The following KATNIP variants were observed in gnomAD, a reference collection of about 807,000 sequenced individuals.
The protein encoded by KATNIP is katanin interacting protein.
KATNIP carries 126 observed loss-of-function variants against 174.0 expected under a neutral mutation model. The observed-to-expected ratio is 0.72, with a 90% CI of 0.63 to 0.84. The LOEUF (loss-of-function observed/expected upper bound fraction) is 0.84. KATNIP is among the 40% of genes least tolerant of loss of function. The pLI, the probability that KATNIP is intolerant of heterozygous loss-of-function variation, is 0.00. For missense variants in KATNIP, 1,958 were observed against 2,109.7 expected, an observed-to-expected ratio of 0.93 and a Z score of 1.41; for synonymous variants, 810 against 835.7, an observed-to-expected ratio of 0.97 and a Z score of 0.53.
At chr16:27,703,351 T>C (rs944838965) in intron 11 of KATNIP, among the ~76,000 whole-genome samples, 4 of 151,962 alleles carry the variant, frequency 2.6e-5, no homozygotes, top group African/African-American at 7.3e-5. Flanking sequence ...TTGCAAATGA[T>C]GAAGGCACGC....
At chr16:27,618,119 A>T (rs886127641) in intron 2 of KATNIP, among the ~76,000 whole-genome samples, 1 of 152,196 alleles carries the variant, frequency 6.6e-6, no homozygotes, top group Non-Finnish European at 1.5e-5. Context: ...TTGAGAAAAC[A>T]GTAGAGCCCA....
chr16:27,752,778 T>A (rs2081568188), intron 17 of KATNIP, among the ~76,000 whole-genome samples: 1 of 152,124 alleles, frequency 6.6e-6, no homozygotes, highest in Non-Finnish European at 1.5e-5. Flanking sequence ...GGTCATGAAC[T>A]CCTGGACTCA....
intron 14 of KATNIP, among the ~76,000 whole-genome samples, chr16:27,724,567 G>C (rs533299173): frequency 6.6e-6 from 1 of 152,310 alleles, no homozygotes; most frequent in African/African-American, 2.4e-5. Flanking sequence ...GTTGGCTGCA[G>C]GGATTTGAGA....
intron 12 of KATNIP, among the ~76,000 whole-genome samples, chr16:27,704,205 A>G (rs541075341): frequency 1.0e-3 from 159 of 152,246 alleles, no homozygotes; most frequent in African/African-American, 3.6e-3. Flanking sequence ...AAGTTTCAGC[A>G]GAGAGAAGCC....
In KATNIP at chr16:27,650,009, C is replaced by T. The variant is rs191361520; in HGVS notation, c.540+1274C>T. ...TGGCCATGTTGAAACCCCATCTTTA[C>T]TTGTAATACAAAAATTAGCTGGGCG... On this transcript the variant is annotated intron_variant, in intron 6 of 27. Coordinates refer to ENST00000261588, the MANE Select transcript of KATNIP (RefSeq NM_015202.5). 1.9e-3 allele frequency among the ~76,000 whole-genome samples: 290 copies of T among 152,248 alleles called. 2 individuals are homozygous for T. The highest frequency in any genetic ancestry group is 9.9e-3 in the South Asian group (48 of 4,828).
In KATNIP at chr16:27,740,840, A is replaced by G. The variant is rs1450461592; in HGVS notation, c.2543A>G (p.Glu848Gly). 6.2e-7 allele frequency: 1 copy of G among 1,613,192 alleles called. No homozygotes were observed. Among genetic ancestry groups the G allele is most frequent in the Non-Finnish European group, 8.5e-7 (1 of 1,179,606 alleles). ...ATCTTTAACCAGCCCCCCAACAGAGAGCGCCCTGCTAGTGGGAGGAGGGGC... is the reference window on the plus strand; with the variant it reads ...ATCTTTAACCAGCCCCCCAACAGAGGGCGCCCTGCTAGTGGGAGGAGGGGC... ...SDIFNQPPNRERPASGRRGSR... is the reference protein window; with the variant it reads ...SDIFNQPPNRGRPASGRRGSR... Residue 848 changes from glutamate (E) to glycine (G), a missense_variant, in exon 15 of 28, where the codon GAG (glutamate) becomes GGG (glycine). This residue lies in a region of KATNIP where 1,557 missense variants were observed against 1,617.8 expected (regional missense o/e 0.96). Transcript: ENST00000261588.
chr16:27,556,772 C>G (rs2089644598), intron 1 of KATNIP, among the ~76,000 whole-genome samples: 2 of 151,994 alleles, frequency 1.3e-5, no homozygotes, highest in African/African-American at 4.8e-5. Context: ...ACTACTTAAA[C>G]CCAGCAAAAA....
In KATNIP at chr16:27,777,624, C is replaced by T. The variant is rs1412352732; in HGVS notation, c.4566C>T (p.Asp1522=). The stretch of plus-strand genomic sequence containing the variant: ...TGTCCCTGCAGCTCCTGGTGGACGA[C>T]CTGCTTGTGTACAATGGGATCCTGG... ...GVKEFGLLVD[D]LLVYNGILAM... The change falls in exon 26 of 28, where the codon GAC becomes GAT. Residue 1522 remains aspartate, a synonymous_variant. Transcript: ENST00000261588. The surrounding 1 kb of genome is among the most constrained non-coding windows in gnomAD (Gnocchi z 4.4). 12 of 1,610,874 alleles carry T rather than the reference C, an allele frequency of 7.4e-6. No homozygotes were observed. In the South Asian group the frequency reaches 1.2e-4, roughly 16 times the overall value.
Position 27,648,746 on chromosome 16 carries a change from C to A in KATNIP, c.540+11C>A. ...GAGGATCGTCCGCAGGTAGGGATGG[C>A]CTTGGCCTTGTGCTCGGGACACCTG... On this transcript the variant is annotated intron_variant, in intron 6 of 27. Coordinates refer to ENST00000261588, the MANE Select transcript of KATNIP (RefSeq NM_015202.5). The A allele has an allele frequency of 6.2e-7, 1 of 1,611,500 alleles. No homozygotes were observed. The highest frequency in any genetic ancestry group is 8.5e-7 in the Non-Finnish European group (1 of 1,178,906).
At chr16:27,667,813 T>C (rs566265137) in intron 6 of KATNIP, among the ~76,000 whole-genome samples, 1 of 152,354 alleles carries the variant, frequency 6.6e-6, no homozygotes, top group East Asian at 1.9e-4. Flanking sequence ...ACACTGATTC[T>C]TAGCTGTTAA....
Position 27,628,844 on chromosome 16 carries a change from C to G in KATNIP, c.310+14C>G. 1.9e-6 allele frequency: 3 copies of G among 1,613,524 alleles called. No individual in the cohort carries two copies. Among genetic ancestry groups the G allele is most frequent in the Non-Finnish European group, 1.7e-6 (2 of 1,179,710 alleles). On this transcript the variant is annotated intron_variant, in intron 4 of 27. Coordinates refer to ENST00000261588, the MANE Select transcript of KATNIP (RefSeq NM_015202.5). ...AGGGGACACACGGTGAGCACAGGCC[C>G]TCCAGGCTGAGTCTCAGCTCTGTTA... is the stretch of plus-strand genomic sequence containing the variant.
In KATNIP at chr16:27,740,778, G is replaced by T. The variant is rs2081075361; in HGVS notation, c.2481G>T (p.Gln827His). 6.2e-7 allele frequency: 1 copy of T among 1,614,072 alleles called. No individual in the cohort carries two copies. The highest frequency in any genetic ancestry group is 8.5e-7 in the Non-Finnish European group (1 of 1,180,030). Residue 827 changes from glutamine (Q) to histidine (H), a missense_variant, in exon 15 of 28, where the codon CAG becomes CAT. Coordinates refer to ENST00000261588, the MANE Select transcript of KATNIP (RefSeq NM_015202.5). ...SRSVNTKERP[Q>H]RATTKVHSDD... ...GTGTCAACACCAAGGAGAGACCCCA[G>T]AGGGCAACCACCAAAGTCCACAGTG...
chr16:27,577,964 A>C (rs1224317320), intron 2 of KATNIP, among the ~76,000 whole-genome samples: 2 of 152,184 alleles, frequency 1.3e-5, no homozygotes, highest in African/African-American at 2.4e-5. Context: ...AGCAGTCAGC[A>C]CAGGGCCTGG....
rs2082511866 is a variant in KATNIP at position 27,776,748 on chromosome 16, G to A, written c.4450-180G>A. The A allele has an allele frequency of 1.7e-6, 1 of 604,114 alleles. No homozygotes were observed. Among genetic ancestry groups the A allele is most frequent in the Non-Finnish European group, 3.0e-6 (1 of 336,208 alleles). 37.4% of individuals were successfully genotyped at this position (604,114 alleles called of 1,614,324 possible). ...CGGTTTGTTGCAAATGCAGCCACAC[G>A]TGACCTGACTCAAGATGGGCTTCGA... is the stretch of plus-strand genomic sequence containing the variant. On this transcript the variant is annotated intron_variant, in intron 24 of 27. Coordinates refer to ENST00000261588, the MANE Select transcript of KATNIP (RefSeq NM_015202.5). This position sits in a 1 kb window ranked among gnomAD's most constrained non-coding sequence, Gnocchi z 4.7.
intron 6 of KATNIP, among the ~76,000 whole-genome samples, chr16:27,655,182 A>G (rs1487550092): frequency 1.9e-3 from 6 of 3,166 alleles, no homozygotes; most frequent in South Asian, 0.012. Flanking sequence ...GAATGGATAT[A>G]TATATATATA....
intron 2 of KATNIP, among the ~76,000 whole-genome samples, chr16:27,590,726 C>A (rs1026211704): frequency 2.0e-5 from 3 of 152,224 alleles, no homozygotes; most frequent in African/African-American, 7.2e-5. Context: ...GGGGCCTTCT[C>A]CTCTCCCTGG....
At chr16:27,664,932 T>TG (rs1482134701) in intron 6 of KATNIP, among the ~76,000 whole-genome samples, 2 of 151,990 alleles carry the variant, frequency 1.3e-5, no homozygotes, top group African/African-American at 4.8e-5. Context: ...GAGGCTAGAG[T>TG]GGGGGGCCGC....
rs747463699 is a variant in KATNIP, at chr16:27,721,526, C to T, written c.1606-32C>T. ...ACTTTGGGGAGAGGCAGAAATGTGC[C>T]TAATGATTTCCTTCTCTTGCTGGCC... On this transcript the variant is annotated intron_variant, in intron 13 of 27. Coordinates refer to ENST00000261588, the MANE Select transcript of KATNIP (RefSeq NM_015202.5). 3 of 1,613,744 alleles carry T rather than the reference C, an allele frequency of 1.9e-6. No individual in the cohort carries two copies. In the South Asian group the frequency reaches 3.3e-5, roughly 18 times the overall value.
Position 27,573,931 on chromosome 16 carries a change from G to T in KATNIP, c.38G>T (p.Trp13Leu). The T allele has an allele frequency of 1.2e-5, 20 of 1,614,166 alleles. No individual in the cohort carries two copies. The highest frequency in any genetic ancestry group is 1.7e-5 in the Non-Finnish European group (20 of 1,180,026). The change falls in exon 2 of 28, where the codon TGG becomes TTG. Residue 13 changes from tryptophan (W) to leucine (L), a missense_variant. By Grantham distance (61) the Trp-to-Leu change is moderately conservative. Around this residue, in one of 3 missense-constraint regions of KATNIP, gnomAD observed 1,557 missense variants for 1,617.8 expected, o/e 0.96. Coordinates refer to ENST00000261588, the MANE Select transcript of KATNIP (RefSeq NM_015202.5). ...GQTLRKAERS[W>L]SCSREKKEGY... ...ACTCTGCGAAAGGCCGAGAGAAGCT[G>T]GTCCTGCTCACGAGAGAAAAAGGAG...
Sources: allele counts gnomAD v4.1 joint callset (sites outside exome capture counted in the v4.1 genomes callset), GRCh38; gene constraint gnomAD v4.1.1; regional missense constraint gnomAD v4.1.1; non-coding constraint Gnocchi (gnomAD v3.1); transcripts MANE v1.5; gene names NCBI Gene and HGNC (gene_info 2026-07-23, HGNC 2026-07-21).